DPP10: variants seen among roughly 807,000 people sequenced by gnomAD.
DPP10 encodes dipeptidyl peptidase like 10.
A neutral mutation model predicts 120.9 loss-of-function variants in DPP10; 33 were observed. The observed-to-expected ratio is 0.27, with a 90% CI of 0.21 to 0.37. DPP10 has a LOEUF of 0.37. Ranked by LOEUF, DPP10 falls within the 10% of genes least tolerant of loss-of-function variation. The pLI, the probability that DPP10 is intolerant of heterozygous loss-of-function variation, is 1.00. For missense variants in DPP10, 816 were observed against 942.8 expected (o/e 0.87, Z 1.76); for synonymous variants, 337 against 326.1 (o/e 1.03, Z -0.36).
At chr2:114,668,422 G>A (rs1698090309) in intron 1 of DPP10, among the ~76,000 whole-genome samples, 1 of 152,150 alleles carries the variant, frequency 6.6e-6, no homozygotes, top group South Asian at 2.1e-4. Flanking sequence ...GATAATGCCT[G>A]CCTACATTTG....
chr2:114,552,390 A>T (rs2082132), intron 1 of DPP10, among the ~76,000 whole-genome samples: 1 of 152,130 alleles, frequency 6.6e-6, no homozygotes, highest in South Asian at 2.1e-4. Context: ...ACACATCTTC[A>T]TCTCTTAGGG....
chr2:114,638,586 C>A (rs1695475847), intron 1 of DPP10, among the ~76,000 whole-genome samples: 1 of 151,824 alleles, frequency 6.6e-6, no homozygotes, highest in Non-Finnish European at 1.5e-5. Flanking sequence ...TACCATCTCC[C>A]ACTAGTCAGA....
chr2:115,684,600 T>C lies in DPP10; in HGVS notation c.442-5087T>C, dbSNP rs115522419. ...ATATTCTCCAGGCCATGAAAATGAA[T>C]GCTATTTATATCAATTCGGCTGTTC... On this transcript the variant is annotated intron_variant, in intron 5 of 25. Coordinates refer to ENST00000410059, the MANE Select transcript of DPP10 (RefSeq NM_020868.6). Among the ~76,000 whole-genome samples, 572 of 151,918 alleles carry C rather than the reference T, an allele frequency of 3.8e-3. 3 individuals carry two copies. The highest frequency in any genetic ancestry group is 0.013 in the African/African-American group (551 of 41,518).
chr2:115,498,870 G>T (rs1355048673), intron 3 of DPP10, among the ~76,000 whole-genome samples: 1 of 151,888 alleles, frequency 6.6e-6, no homozygotes, highest in Non-Finnish European at 1.5e-5. Context: ...TTATCTGAAA[G>T]AAATGCAATT....
intron 4 of DPP10, among the ~76,000 whole-genome samples, chr2:115,504,275 C>T (rs988121122): frequency 3.0e-5 from 4 of 131,580 alleles, no homozygotes; most frequent in African/African-American, 2.8e-5. Context: ...CTATTGCCAA[C>T]TTTTTTTTTT....
intron 1 of DPP10, among the ~76,000 whole-genome samples, chr2:115,059,685 GA>G (rs34515129): frequency 6.2e-4 from 72 of 116,304 alleles, no homozygotes; most frequent in African/African-American, 1.9e-3. Flanking sequence ...ACCTCAACAG[GA>G]AAAAAAAAAA....
intron 1 of DPP10, among the ~76,000 whole-genome samples, chr2:114,925,065 T>G (rs2104457058): frequency 6.6e-6 from 1 of 151,894 alleles, no homozygotes; most frequent in Admixed American, 6.6e-5. Context: ...CAAAAAATTA[T>G]CTGGGCATAG....
intron 1 of DPP10, among the ~76,000 whole-genome samples, chr2:114,458,786 T>G (rs1678715702): frequency 6.6e-6 from 1 of 152,240 alleles, no homozygotes; most frequent in Admixed American, 6.5e-5. Context: ...CTACTTTTTT[T>G]GAGGAGTCAT....
chr2:115,678,797 G>A (rs2090455915), intron 5 of DPP10, among the ~76,000 whole-genome samples: 1 of 152,202 alleles, frequency 6.6e-6, no homozygotes, highest in Admixed American at 6.5e-5. Flanking sequence ...CTACTCTAAA[G>A]CCACAGTGGG....
At chr2:114,737,011 A>G (rs1677505837) in intron 1 of DPP10, among the ~76,000 whole-genome samples, 1 of 152,248 alleles carries the variant, frequency 6.6e-6, no homozygotes, top group Non-Finnish European at 1.5e-5. Context: ...AATTGTTGCC[A>G]TCTACGGTAT....
intron 5 of DPP10, among the ~76,000 whole-genome samples, chr2:115,666,997 T>C (rs2089506782): frequency 6.6e-6 from 1 of 152,160 alleles, no homozygotes; most frequent in Non-Finnish European, 1.5e-5. Flanking sequence ...CCCTTTTGCC[T>C]TTCACCATGA....
intron 1 of DPP10, among the ~76,000 whole-genome samples, chr2:114,942,531 CTG>C (rs573021597): frequency 8.9e-4 from 135 of 150,878 alleles, no homozygotes; most frequent in African/African-American, 3.2e-3. Context: ...ATAAGTCAAT[CTG>C]TCTTTTGATT....
chr2:115,373,838 G>A (rs1315265825), intron 3 of DPP10, among the ~76,000 whole-genome samples: 1 of 151,052 alleles, frequency 6.6e-6, no homozygotes, highest in East Asian at 2.0e-4. Context: ...TTACAATTCG[G>A]GCAGAAAATG....
rs28593728 is a variant in DPP10, at chr2:114,885,829, G to A, written c.61-423410G>A. 9.2e-3 allele frequency among the ~76,000 whole-genome samples: 1,401 copies of A among 152,262 alleles called. 23 individuals carry two copies. Among genetic ancestry groups the A allele is most frequent in the African/African-American group, 0.032 (1,342 of 41,556 alleles). ...AATTGACTTCCTAGTTGCAATCCAA[G>A]TTCTTCCACTTGCTATTTGTGTCAC... On this transcript the variant is annotated intron_variant, in intron 1 of 25. Coordinates refer to ENST00000410059, the MANE Select transcript of DPP10 (RefSeq NM_020868.6).
At chr2:115,363,143 A>G (rs575894079) in intron 3 of DPP10, among the ~76,000 whole-genome samples, 2 of 152,258 alleles carry the variant, frequency 1.3e-5, no homozygotes, top group African/African-American at 4.8e-5. Flanking sequence ...ATCACACACT[A>G]CCTAGTTAAT....
At chr2:114,781,362 G>T (rs139255295) in intron 1 of DPP10, among the ~76,000 whole-genome samples, 1 of 152,258 alleles carries the variant, frequency 6.6e-6, no homozygotes, top group Non-Finnish European at 1.5e-5. Flanking sequence ...TCAGAATGAA[G>T]CCAAACACTG....
rs936820835 is a variant in DPP10 at position 114,802,105 on chromosome 2, C to A, written c.60+359267C>A. On this transcript the variant is annotated intron_variant, in intron 1 of 25. Coordinates refer to ENST00000410059, the MANE Select transcript of DPP10 (RefSeq NM_020868.6). ...CTTGCTTGTCATTTAATGTGTCAGCCTGGTAAAGACAAATATTTTATGTAA... is the reference window on the plus strand; with the variant it reads ...CTTGCTTGTCATTTAATGTGTCAGCATGGTAAAGACAAATATTTTATGTAA... Among the ~76,000 whole-genome samples the A allele has an allele frequency of 2.6e-5, 4 of 151,724 alleles. No individual in the cohort carries two copies. The East Asian group carries it at 7.7e-4, about 29-fold the overall frequency.
intron 1 of DPP10, among the ~76,000 whole-genome samples, chr2:114,853,340 C>T (rs541268548): frequency 1.3e-5 from 2 of 152,034 alleles, no homozygotes; most frequent in South Asian, 4.2e-4. Flanking sequence ...GTAAAGCTGG[C>T]TCTGAGACTT....
intron 1 of DPP10, among the ~76,000 whole-genome samples, chr2:115,049,972 AT>A (rs1461559866): frequency 1.3e-5 from 2 of 152,182 alleles, no homozygotes; most frequent in South Asian, 4.1e-4. Context: ...GGTTATAATA[AT>A]TTTTTTAACC....
Sources: allele counts gnomAD v4.1 joint callset (sites outside exome capture counted in the v4.1 genomes callset), GRCh38; gene constraint gnomAD v4.1.1; transcripts MANE v1.5; gene names NCBI Gene and HGNC (gene_info 2026-07-23, HGNC 2026-07-21).